Variants in TAAR5 observed in about 807,000 individuals in gnomAD.
TAAR5 encodes the protein trace amine-associated receptor 5.
A neutral mutation model predicts 21.1 loss-of-function variants in TAAR5; 27 were observed. The observed-to-expected ratio is 1.28, with a 90% CI of 0.94 to 1.76. The LOEUF is 1.76. Ranked by LOEUF, TAAR5 falls within the 40% of genes most tolerant of loss-of-function variation. The probability of loss-of-function intolerance (pLI) is 0.00; values close to 1 mark genes in which losing one functional copy is unlikely to be tolerated. For synonymous variants in TAAR5, 203 were observed against 167.5 expected, an observed-to-expected ratio of 1.21 and a Z score of -1.64; for missense variants, 495 against 405.6, an observed-to-expected ratio of 1.22 and a Z score of -1.89.
At chr6:132,616,273 T>C in the TAAR5 span, among the ~76,000 whole-genome samples, 2,011 of 152,324 alleles carry the variant, frequency 0.013, 50 homozygotes, top group African/African-American at 0.046. Flanking sequence ...CTAAAGTTAA[T>C]AATTTTCTTC....
upstream of TAAR5, among the ~76,000 whole-genome samples, chr6:132,592,697 T>C (rs1776923889): frequency 6.6e-6 from 1 of 152,236 alleles, no homozygotes; most frequent in Non-Finnish European, 1.5e-5. Context: ...GCTTCAGCCA[T>C]GTAAGATGTG....
chr6:132,601,593 T>C, the TAAR5 span, among the ~76,000 whole-genome samples: 68 of 151,970 alleles, frequency 4.5e-4, no homozygotes, highest in Non-Finnish European at 9.6e-4. Flanking sequence ...AAGAAACATG[T>C]TTGTGGATAT....
the TAAR5 span, among the ~76,000 whole-genome samples, chr6:132,609,675 T>C: frequency 6.6e-6 from 1 of 152,222 alleles, no homozygotes; most frequent in Non-Finnish European, 1.5e-5. Flanking sequence ...GTTTTGAATG[T>C]GGCTGCTAAT....
the TAAR5 span, among the ~76,000 whole-genome samples, chr6:132,605,462 C>T: frequency 2.0e-5 from 3 of 152,316 alleles, no homozygotes; most frequent in South Asian, 6.2e-4. Context: ...TACTGCACGC[C>T]TATCTAGGTA....
At chr6:132,615,055 G>A in the TAAR5 span, among the ~76,000 whole-genome samples, 12 of 152,096 alleles carry the variant, frequency 7.9e-5, no homozygotes, top group African/African-American at 2.7e-4. Flanking sequence ...GTAGAGACAG[G>A]GTTTCACTGT....
the TAAR5 span, among the ~76,000 whole-genome samples, chr6:132,612,915 AT>A: frequency 2.0e-5 from 3 of 152,214 alleles, no homozygotes; most frequent in Non-Finnish European, 4.4e-5. Context: ...AGTTGCCCCT[AT>A]GACCTTATTG....
At chr6:132,594,236 A>G (rs1429100434), upstream of TAAR5, among the ~76,000 whole-genome samples, 2 of 152,168 alleles carry the variant, frequency 1.3e-5, no homozygotes, top group African/African-American at 4.8e-5. Context: ...TAGCTTTAGT[A>G]TACCTGGAAG....
At chr6:132,613,028 C>T in the TAAR5 span, among the ~76,000 whole-genome samples, 6 of 152,122 alleles carry the variant, frequency 3.9e-5, no homozygotes, top group Middle Eastern at 3.2e-3. Flanking sequence ...TTTCAACATG[C>T]GATCAAATCT....
chr6:132,602,134 C>T, the TAAR5 span, among the ~76,000 whole-genome samples: 534 of 152,164 alleles, frequency 3.5e-3, 3 homozygotes, highest in African/African-American at 0.012. Context: ...TAGTCTAAAG[C>T]AGCCATCCCC....
upstream of TAAR5, among the ~76,000 whole-genome samples, chr6:132,593,847 A>G (rs373246988): frequency 6.6e-6 from 1 of 152,210 alleles, no homozygotes; most frequent in South Asian, 2.1e-4. Flanking sequence ...TCTTTCTGAA[A>G]AGGGGTTTCA....
At chr6:132,613,861 AG>A in the TAAR5 span, among the ~76,000 whole-genome samples, 1 of 152,218 alleles carries the variant, frequency 6.6e-6, no homozygotes, top group Non-Finnish European at 1.5e-5. Context: ...ACCAAATAAA[AG>A]TGACACTACT....
In TAAR5 at chr6:132,588,596, A is replaced by C; in HGVS notation, c.*77T>G. The C allele has an allele frequency of 6.7e-7, 1 of 1,500,800 alleles. No individual in the cohort carries two copies. Among genetic ancestry groups the C allele is most frequent in the South Asian group, 1.3e-5 (1 of 76,824 alleles). The allele number at this position is 1,500,800 out of a possible 1,614,324, so 93.0% of individuals were successfully genotyped here. ...CTGGAAGCATGCCCACAAACTCAAC[A>C]CCACACAGCCCACGGTCACAGTGCC... On this transcript the variant is annotated 3_prime_UTR_variant, in exon 1 of 1. Coordinates refer to ENST00000258034, the MANE Select transcript of TAAR5 (RefSeq NM_003967.3).
At chr6:132,590,218 G>A (rs956237743), upstream of TAAR5, among the ~76,000 whole-genome samples, 3 of 152,128 alleles carry the variant, frequency 2.0e-5, no homozygotes, top group Admixed American at 6.6e-5. Context: ...TACATACATT[G>A]ACAATAAAGT....
At chr6:132,608,591 C>T in the TAAR5 span, 2 of 455,886 alleles carry the variant, frequency 4.4e-6, no homozygotes, top group South Asian at 1.5e-5. Context: ...TGGCTGATGA[C>T]TCGAGCATGC....
rs1158855312 is a variant in TAAR5, at chr6:132,589,594, C to T, written c.93G>A (p.Leu31=). ...NGSCPRTVHT[L]GIQLVIYLAC... is the part of the protein sequence containing the mutation. ...CCAGGTAGATGACCAACTGGATGCCCAGAGTATGTACTGTCCTGGGGCAAG... is the reference window on the plus strand; with the variant it reads ...CCAGGTAGATGACCAACTGGATGCCTAGAGTATGTACTGTCCTGGGGCAAG... Residue 31 remains leucine (L), a synonymous_variant, in exon 1 of 1, where the codon CTG becomes CTA. Coordinates refer to ENST00000258034, the MANE Select transcript of TAAR5 (RefSeq NM_003967.3). The T allele has an allele frequency of 3.1e-6, 5 of 1,613,756 alleles. No homozygotes were observed. The highest frequency in any genetic ancestry group is 4.2e-6 in the Non-Finnish European group (5 of 1,179,932).
In TAAR5 at chr6:132,589,011, C is replaced by T; in HGVS notation, c.676G>A (p.Ala226Thr). 1 of 1,614,006 alleles carries T rather than the reference C, an allele frequency of 6.2e-7. No homozygotes were observed. Among genetic ancestry groups the T allele is most frequent in the Admixed American group, 1.7e-5 (1 of 60,020 alleles). Reference protein sequence around the residue: ...ISLYVKIFVVATRQAQQITTL... With the variant: ...ISLYVKIFVVTTRQAQQITTL... ...GTAATCTGCTGAGCCTGTCTGGTAG[C>T]AACCACAAAGATCTTCACATACAAG... The change falls in exon 1 of 1, where the codon GCT becomes ACT. Residue 226 changes from alanine to threonine, a missense_variant. Transcript: ENST00000258034.
the TAAR5 span, among the ~76,000 whole-genome samples, chr6:132,604,895 A>G: frequency 1.3e-5 from 2 of 152,326 alleles, no homozygotes; most frequent in African/African-American, 2.4e-5. Context: ...CGCCACCTCA[A>G]CTAGACCGAA....
At chr6:132,597,203 A>G in the TAAR5 span, among the ~76,000 whole-genome samples, 1 of 152,248 alleles carries the variant, frequency 6.6e-6, no homozygotes, top group Middle Eastern at 3.4e-3. Flanking sequence ...AACTTATAGA[A>G]ATTAACAGTA....
upstream of TAAR5, among the ~76,000 whole-genome samples, chr6:132,591,037 A>G (rs1470377677): frequency 2.0e-5 from 3 of 152,168 alleles, no homozygotes; most frequent in African/African-American, 4.8e-5. Flanking sequence ...TTTGAGCACT[A>G]TATTTTGTGA....
Sources: allele counts gnomAD v4.1 joint callset (sites outside exome capture counted in the v4.1 genomes callset), GRCh38; gene constraint gnomAD v4.1.1; transcripts MANE v1.5; gene names NCBI Gene and HGNC (gene_info 2026-07-23, HGNC 2026-07-21).